CDH18: variants seen among roughly 807,000 people sequenced by gnomAD.
The protein encoded by CDH18 is cadherin 18.
Under a neutral mutation model 67.9 loss-of-function variants are expected in CDH18, and 31 were observed. The ratio of observed to expected loss-of-function variants is 0.46; its 90% CI spans 0.34 to 0.62. The LOEUF (loss-of-function observed/expected upper bound fraction) is 0.62. Among genes scored for constraint, CDH18 ranks in the 20% least tolerant of loss-of-function variants. CDH18 has a pLI of 0.01. For synonymous variants in CDH18, 362 were observed against 347.2 expected (o/e 1.04, Z -0.48); for missense variants, 890 against 975.5 (o/e 0.91, Z 1.17).
chr5:20,023,418 T>C (rs1433251281), intron 2 of CDH18, among the ~76,000 whole-genome samples: 3 of 152,022 alleles, frequency 2.0e-5, no homozygotes, highest in Non-Finnish European at 4.4e-5. Context: ...GAAAGGTATT[T>C]ATAGGCCGAG....
chr5:19,988,087 T>C lies in CDH18; in HGVS notation c.-377A>G, dbSNP rs1424700189. The stretch of plus-strand genomic sequence containing the variant: ...AAGTGTCATTTATTGAAGCCTTACC[T>C]TGGCGGACTTGCCCTAACTGGTGGA... On this transcript the variant is annotated splice_region_variant and 5_prime_UTR_variant, in exon 1 of 13. Transcript: ENST00000382275. 6.6e-6 allele frequency: 1 copy of C among 152,224 alleles called. No homozygotes were observed. The highest frequency in any genetic ancestry group is 1.5e-5 in the Non-Finnish European group (1 of 68,084). 9.4% of individuals were successfully genotyped at this position (152,224 alleles called of 1,614,324 possible). A position where few individuals can be genotyped will look rare whatever the true frequency, so the allele number is the denominator to read the frequency against.
At chr5:20,016,947 C>T (rs1020496927) in intron 2 of CDH18, among the ~76,000 whole-genome samples, 9 of 152,098 alleles carry the variant, frequency 5.9e-5, no homozygotes, top group African/African-American at 2.2e-4. Flanking sequence ...TAGTGCCTTT[C>T]ATTTAGTTTT....
In CDH18 at chr5:19,994,853, T is replaced by TAGAGAGAGAGAGAGAGAG. The variant is rs776078908; in HGVS notation, c.-517-2840_-517-2839insCTCTCTCTCTCTCTCTCT. On this transcript the variant is annotated intron_variant, in intron 2 of 14. Transcript: ENST00000507958. ...GAATATATATATATATATATATATA[T>TAGAGAGAGAGAGAGAGAG]ATAGAGAGAGAGAGAGAGAGAGAGA... 5.4e-4 allele frequency among the ~76,000 whole-genome samples: 29 copies of TAGAGAGAGAGAGAGAGAG among 53,212 alleles called. 3 individuals are homozygous for TAGAGAGAGAGAGAGAGAG. The highest frequency in any genetic ancestry group is 2.6e-3 in the African/African-American group (27 of 10,450). 34.9% of individuals were successfully genotyped at this position (53,212 alleles called of 152,430 possible).
intron 2 of CDH18, among the ~76,000 whole-genome samples, chr5:20,209,838 T>C (rs1403085279): frequency 6.6e-6 from 1 of 151,864 alleles, no homozygotes; most frequent in Non-Finnish European, 1.5e-5. Context: ...ACACATTATA[T>C]GAATATGTGC....
chr5:20,056,610 AAAT>A (rs1295728970), intron 2 of CDH18, among the ~76,000 whole-genome samples: 2 of 148,900 alleles, frequency 1.3e-5, no homozygotes, highest in East Asian at 1.9e-4. Context: ...GAAGCTGAGA[AAAT>A]AATATTTTCT....
chr5:19,485,349 G>T (rs1039826383), intron 11 of CDH18, among the ~76,000 whole-genome samples: 3 of 151,334 alleles, frequency 2.0e-5, no homozygotes, highest in Non-Finnish European at 4.4e-5. Flanking sequence ...TCAGCCTCCC[G>T]AGTTCATGCC....
At chr5:20,340,460 A>G (rs1033385591) in intron 1 of CDH18, among the ~76,000 whole-genome samples, 1 of 152,290 alleles carries the variant, frequency 6.6e-6, no homozygotes, top group African/African-American at 2.4e-5. Flanking sequence ...TAATTGCTAC[A>G]GGTGTGGCAA....
intron 11 of CDH18, among the ~76,000 whole-genome samples, chr5:19,488,082 TTA>T (rs1193978129): frequency 2.6e-5 from 4 of 152,156 alleles, no homozygotes; most frequent in South Asian, 4.1e-4. Flanking sequence ...TGAGCTACTA[TTA>T]TATGTCTCAT....
chr5:19,707,550 G>A (rs1348210786), intron 5 of CDH18, among the ~76,000 whole-genome samples: 1 of 152,148 alleles, frequency 6.6e-6, no homozygotes, highest in Non-Finnish European at 1.5e-5. Flanking sequence ...ACCCACAGGA[G>A]GAAGGAACTG....
At chr5:20,016,013 G>A (rs959594424) in intron 2 of CDH18, among the ~76,000 whole-genome samples, 2 of 152,066 alleles carry the variant, frequency 1.3e-5, no homozygotes, top group Non-Finnish European at 1.5e-5. Context: ...ACTTACACAT[G>A]TATATTCATT....
intron 2 of CDH18, among the ~76,000 whole-genome samples, chr5:20,059,454 T>G (rs1742274716): frequency 6.6e-6 from 1 of 152,184 alleles, no homozygotes; most frequent in Non-Finnish European, 1.5e-5. Flanking sequence ...TGCTTTCTCC[T>G]GTGGGCATTT....
At chr5:20,053,272 A>T (rs1442339211) in intron 2 of CDH18, among the ~76,000 whole-genome samples, 1 of 151,092 alleles carries the variant, frequency 6.6e-6, no homozygotes, top group Non-Finnish European at 1.5e-5. Flanking sequence ...TACATATAGT[A>T]TAGATATATA....
rs574731795 is a variant in CDH18, at chr5:20,362,757, T to A, written c.-579-107252A>T. Among the ~76,000 whole-genome samples the A allele has an allele frequency of 2.6e-5, 4 of 152,172 alleles. 1 individual carries two copies. The South Asian group carries it at 8.3e-4, about 31-fold the overall frequency. ...TTGTAGATCGACTACCAACTTCATA[T>A]TGAGTATTCTAAATCTTTACCTTTA... On this transcript the variant is annotated intron_variant, in intron 1 of 14. Coordinates refer to the CDH18 transcript ENST00000507958.
At chr5:19,506,136 CATGAGTGA>C (rs2126788842) in intron 10 of CDH18, among the ~76,000 whole-genome samples, 1 of 152,134 alleles carries the variant, frequency 6.6e-6, no homozygotes, top group African/African-American at 2.4e-5. Flanking sequence ...AGAGCCAAAT[CATGAGTGA>C]ACTCCCATTC....
At chr5:19,960,593 ATATATATATACACACACGTG>A (rs1561635571) in intron 2 of CDH18, among the ~76,000 whole-genome samples, 6 of 130,708 alleles carry the variant, frequency 4.6e-5, no homozygotes, top group Non-Finnish European at 7.8e-5. Flanking sequence ...GTGTGTGTAT[ATATATATATACACACACGTG>A]TATATATATA....
At chr5:19,920,583 G>A (rs916279825) in intron 2 of CDH18, among the ~76,000 whole-genome samples, 8 of 147,742 alleles carry the variant, frequency 5.4e-5, no homozygotes, top group East Asian at 2.0e-4. Context: ...GCACGATCTC[G>A]GCTCACTGCA....
At chr5:19,761,626 C>T (rs2892406) in intron 3 of CDH18, among the ~76,000 whole-genome samples, 122,049 of 152,060 alleles carry the variant, frequency 0.8, 54,169 homozygotes, top group Non-Finnish European at 0.98. Flanking sequence ...TCCATGGTCA[C>T]GGATAGGAAG....
intron 2 of CDH18, among the ~76,000 whole-genome samples, chr5:19,912,213 A>G (rs890579901): frequency 3.9e-5 from 6 of 152,198 alleles, no homozygotes; most frequent in African/African-American, 9.6e-5. Context: ...GCTTCGTAAA[A>G]GCAAAGCCAA....
chr5:20,567,697 A>T (rs1758591591), intron 1 of CDH18, among the ~76,000 whole-genome samples: 1 of 152,156 alleles, frequency 6.6e-6, no homozygotes, highest in Non-Finnish European at 1.5e-5. Context: ...CCTAATGAGT[A>T]GCAAGCTGGA....
Sources: gnomAD v4.1 joint callset for allele counts (sites outside exome capture counted in the v4.1 genomes callset) on GRCh38, gnomAD v4.1.1 for gene constraint, MANE v1.5 for transcripts, NCBI Gene and HGNC (gene_info 2026-07-23, HGNC 2026-07-21) for gene names.